Variants in SAMSN1 observed in about 807,000 individuals in gnomAD.
SAMSN1 encodes the protein SAM domain-containing protein SAMSN-1.
SAMSN1 carries 31 observed loss-of-function variants against 42.0 expected under a neutral mutation model. The ratio of observed to expected loss-of-function variants is 0.74; its 90% CI spans 0.55 to 1.00. SAMSN1 has a LOEUF of 1.00. Among genes scored for constraint, SAMSN1 ranks in the 50% least tolerant of loss-of-function variants. SAMSN1 has a pLI of 0.00. For synonymous variants in SAMSN1, 178 were observed against 151.9 expected (o/e 1.17, Z -1.26); for missense variants, 464 against 439.4 (o/e 1.06, Z -0.50).
upstream of SAMSN1, among the ~76,000 whole-genome samples, chr21:14,585,030 C>A (rs61168630): frequency 0.8 from 122,056 of 151,730 alleles, 49,402 homozygotes; most frequent in Admixed American, 0.85. Context: ...CAGAGGAACC[C>A]TACCTTTTTG....
upstream of SAMSN1, chr21:14,583,842 T>A: frequency 1.5e-6 from 1 of 679,556 alleles, no homozygotes. Context: ...ATAAAATATG[T>A]TGAGATCATA....
chr21:14,505,175 T>C (rs1987342208), intron 5 of SAMSN1, among the ~76,000 whole-genome samples: 1 of 151,698 alleles, frequency 6.6e-6, no homozygotes, highest in Non-Finnish European at 1.5e-5. Flanking sequence ...AAAAATACAA[T>C]TTAAAAAACA....
intron 2 of SAMSN1, among the ~76,000 whole-genome samples, chr21:14,566,319 A>G (rs188538318): frequency 1.9e-4 from 29 of 152,320 alleles, no homozygotes; most frequent in African/African-American, 5.8e-4. Flanking sequence ...GCCTTTTAAC[A>G]TAAGTATTTC....
At chr21:14,488,099 A>T (rs1245423834) in intron 7 of SAMSN1, among the ~76,000 whole-genome samples, 1 of 152,118 alleles carries the variant, frequency 6.6e-6, no homozygotes. Context: ...CACTGAAATG[A>T]AATGAGCCAG....
intron 1 of SAMSN1, among the ~76,000 whole-genome samples, chr21:14,649,784 C>CACAT (rs1568843582): frequency 1.0e-3 from 31 of 30,652 alleles, no homozygotes; most frequent in Non-Finnish European, 2.1e-4. Flanking sequence ...CACACACACA[C>CACAT]ACACACACAC....
At chr21:14,610,154 A>G (rs1466246070) in intron 4 of SAMSN1, among the ~76,000 whole-genome samples, 1 of 152,196 alleles carries the variant, frequency 6.6e-6, no homozygotes, top group Non-Finnish European at 1.5e-5. Flanking sequence ...TGATGGAGCC[A>G]TATTTCTCTT....
At chr21:14,647,908 G>A (rs1303964880) in intron 1 of SAMSN1, among the ~76,000 whole-genome samples, 2 of 151,670 alleles carry the variant, frequency 1.3e-5, no homozygotes, top group African/African-American at 4.9e-5. Context: ...GAGTTTTCTA[G>A]ATATACAATC....
intron 1 of SAMSN1, among the ~76,000 whole-genome samples, chr21:14,532,229 C>T (rs746238418): frequency 1.1e-4 from 16 of 152,234 alleles, no homozygotes; most frequent in Non-Finnish European, 2.2e-4. Flanking sequence ...TTCTTTTTTG[C>T]ATGCTTTATG....
chr21:14,577,280 A>T (rs1414242077), intron 2 of SAMSN1, among the ~76,000 whole-genome samples: 3,682 of 48,356 alleles, frequency 0.076, 364 homozygotes, highest in African/African-American at 0.18. Flanking sequence ...ATATATATAT[A>T]TATATTTTTT....
intron 2 of SAMSN1, among the ~76,000 whole-genome samples, chr21:14,620,383 C>T (rs1982971565): frequency 6.6e-6 from 1 of 152,156 alleles, no homozygotes. Flanking sequence ...CTCTCTCCTG[C>T]CACCATGTGA....
At chr21:14,522,743 T>A (rs1352592049) in intron 1 of SAMSN1, among the ~76,000 whole-genome samples, 1 of 152,202 alleles carries the variant, frequency 6.6e-6, no homozygotes, top group Non-Finnish European at 1.5e-5. Flanking sequence ...GATCCATACA[T>A]ATATTTAAGA....
chr21:14,603,071 T>G (rs757770207), intron 5 of SAMSN1, among the ~76,000 whole-genome samples: 4 of 152,222 alleles, frequency 2.6e-5, no homozygotes, highest in Non-Finnish European at 4.4e-5. Flanking sequence ...TAAACTGAGC[T>G]GATTTTTTGA....
intron 1 of SAMSN1, among the ~76,000 whole-genome samples, chr21:14,645,394 C>T (rs542628061): frequency 3.3e-5 from 5 of 152,338 alleles, no homozygotes; most frequent in Admixed American, 2.6e-4. Context: ...GGAGTTCTCC[C>T]ATATCTGGTC....
intron 1 of SAMSN1, among the ~76,000 whole-genome samples, chr21:14,647,187 T>C (rs1364727652): frequency 1.3e-5 from 2 of 152,204 alleles, no homozygotes; most frequent in African/African-American, 2.4e-5. Context: ...ACTTCAACTA[T>C]AAAAGCACAT....
At chr21:14,577,270 ATATATATATATATATTTT>A (rs1444246886) in intron 2 of SAMSN1, among the ~76,000 whole-genome samples, 20 of 49,402 alleles carry the variant, frequency 4.0e-4, no homozygotes, top group African/African-American at 2.4e-3. Flanking sequence ...ATATATATAT[ATATATATATATATATTTT>A]TTTTTTAGAA....
upstream of SAMSN1, among the ~76,000 whole-genome samples, chr21:14,587,572 A>G (rs1981954684): frequency 6.6e-6 from 1 of 152,008 alleles, no homozygotes; most frequent in Non-Finnish European, 1.5e-5. Flanking sequence ...CTTTTATCTG[A>G]TATCACCACC....
chr21:14,499,556 T>C (rs889802820), intron 6 of SAMSN1, among the ~76,000 whole-genome samples: 4 of 151,624 alleles, frequency 2.6e-5, no homozygotes, highest in African/African-American at 9.7e-5. Flanking sequence ...AAAAGTATAT[T>C]CTTAGCACTG....
intron 1 of SAMSN1, among the ~76,000 whole-genome samples, chr21:14,526,820 C>G (rs907688398): frequency 4.6e-5 from 7 of 152,026 alleles, no homozygotes; most frequent in Non-Finnish European, 8.8e-5. Context: ...GAATACTGAC[C>G]AGCCTGCATT....
intron 1 of SAMSN1, among the ~76,000 whole-genome samples, chr21:14,525,015 C>G (rs987869953): frequency 2.0e-5 from 3 of 152,084 alleles, no homozygotes; most frequent in Admixed American, 1.3e-4. Context: ...TGTATGAAAC[C>G]TATTTCATCA....
Sources: gnomAD v4.1 joint callset for allele counts (sites outside exome capture counted in the v4.1 genomes callset) on GRCh38, gnomAD v4.1.1 for gene constraint, MANE v1.5 for transcripts, NCBI Gene and HGNC (gene_info 2026-07-23, HGNC 2026-07-21) for gene names.